Variants in GLIPR1L1 observed in about 807,000 individuals in gnomAD.
GLIPR1L1 encodes the protein GLIPR1 like 1.
In GLIPR1L1, 26 loss-of-function variants were observed where a neutral mutation model predicts 29.9. The observed-to-expected ratio is 0.87, with a 90% CI of 0.64 to 1.21. GLIPR1L1 has a LOEUF of 1.21. GLIPR1L1 is among the 50% of genes most tolerant of loss of function. GLIPR1L1 has a pLI of 0.00. For synonymous variants in GLIPR1L1, 77 were observed against 97.5 expected, an observed-to-expected ratio of 0.79 and a Z score of 1.24; for missense variants, 305 against 290.3, an observed-to-expected ratio of 1.05 and a Z score of -0.37.
At chr12:75,335,578 G>A (rs947251499) in intron 1 of GLIPR1L1, among the ~76,000 whole-genome samples, 5 of 152,222 alleles carry the variant, frequency 3.3e-5, no homozygotes, top group African/African-American at 9.6e-5. Context: ...TGTAGATACA[G>A]TATAACTCAT....
At chr12:75,340,374 G>A (rs1456345505) in intron 1 of GLIPR1L1, among the ~76,000 whole-genome samples, 1 of 151,594 alleles carries the variant, frequency 6.6e-6, no homozygotes, top group Non-Finnish European at 1.5e-5. Context: ...AAGAAATGGT[G>A]TTGAAACACC....
intron 1 of GLIPR1L1, among the ~76,000 whole-genome samples, chr12:75,336,915 C>T (rs1256877755): frequency 6.6e-6 from 1 of 151,510 alleles, no homozygotes; most frequent in African/African-American, 2.4e-5. Context: ...GAAATTTTGT[C>T]CTATATCTTC....
chr12:75,356,712 T>A (rs1270006223), intron 3 of GLIPR1L1, among the ~76,000 whole-genome samples: 1 of 152,174 alleles, frequency 6.6e-6, no homozygotes, highest in Non-Finnish European at 1.5e-5. Context: ...TAATGTTAAA[T>A]TTAAATGGTA....
At chr12:75,360,503 A>T (rs548811608) in intron 3 of GLIPR1L1, 29 of 152,320 alleles carry the variant, frequency 1.9e-4, no homozygotes, top group African/African-American at 7.0e-4. Context: ...ACAAGTCCAA[A>T]ATCCAGTGGG....
At chr12:75,358,294 T>C (rs1002923902) in intron 3 of GLIPR1L1, among the ~76,000 whole-genome samples, 1 of 151,792 alleles carries the variant, frequency 6.6e-6, no homozygotes, top group African/African-American at 2.4e-5. Flanking sequence ...TATAGAGCAA[T>C]ATCCCTCACA....
At chr12:75,338,652 G>A (rs1478926656) in intron 1 of GLIPR1L1, among the ~76,000 whole-genome samples, 1 of 151,914 alleles carries the variant, frequency 6.6e-6, no homozygotes, top group East Asian at 1.9e-4. Flanking sequence ...TTGTTACACA[G>A]GTGAACATAT....
At chr12:75,356,207 G>A (rs754099373) in intron 3 of GLIPR1L1, among the ~76,000 whole-genome samples, 6 of 151,962 alleles carry the variant, frequency 3.9e-5, no homozygotes, top group African/African-American at 7.2e-5. Context: ...TGGACATAAT[G>A]CAAAAGAAGC....
chr12:75,351,547 T>C (rs2042812163), intron 3 of GLIPR1L1, among the ~76,000 whole-genome samples: 1 of 146,772 alleles, frequency 6.8e-6, no homozygotes, highest in African/African-American at 2.7e-5. Flanking sequence ...TCTGTTTTGT[T>C]TTGTTTTTTT....
chr12:75,343,595 A>G lies in GLIPR1L1; in HGVS notation c.175-98A>G, dbSNP rs893205732. On this transcript the variant is annotated intron_variant, in intron 1 of 5. Transcript: ENST00000378695. Reference sequence around the variant, plus strand: ...CAAAGAAAAACTACATCTTATTAAAATAATAAATTTAAGCAAAACTTAGTT... The same window carrying G: ...CAAAGAAAAACTACATCTTATTAAAGTAATAAATTTAAGCAAAACTTAGTT... 7.7e-6 allele frequency: 7 copies of G among 913,688 alleles called. No homozygotes were observed. The Admixed American group carries it at 2.2e-4, about 28-fold the overall frequency. 56.6% of individuals were successfully genotyped at this position (913,688 alleles called of 1,614,324 possible).
chr12:75,348,561 A>G (rs1463814575), intron 3 of GLIPR1L1, among the ~76,000 whole-genome samples: 1 of 152,234 alleles, frequency 6.6e-6, no homozygotes, highest in African/African-American at 2.4e-5. Flanking sequence ...AAGGAGACTA[A>G]TCACAAGATT....
At chr12:75,348,628 A>C (rs1455522566) in intron 3 of GLIPR1L1, among the ~76,000 whole-genome samples, 4 of 152,200 alleles carry the variant, frequency 2.6e-5, no homozygotes, top group Non-Finnish European at 5.9e-5. Flanking sequence ...ATGAAAAAGC[A>C]GTTAAGCATC....
chr12:75,354,186 AG>A (rs2043000398), intron 3 of GLIPR1L1, among the ~76,000 whole-genome samples: 1 of 151,734 alleles, frequency 6.6e-6, no homozygotes, highest in Non-Finnish European at 1.5e-5. Flanking sequence ...GTATTCAAAT[AG>A]GAAAAGAGGA....
intron 3 of GLIPR1L1, chr12:75,360,364 T>C (rs754487146): frequency 2.4e-4 from 36 of 152,310 alleles, no homozygotes; most frequent in Admixed American, 9.8e-4. Flanking sequence ...AAGTCCCTTC[T>C]GCCTATAAGC....
At chr12:75,347,969 A>G (rs1014219549) in intron 3 of GLIPR1L1, among the ~76,000 whole-genome samples, 1 of 152,160 alleles carries the variant, frequency 6.6e-6, no homozygotes, top group Non-Finnish European at 1.5e-5. Context: ...ATAGGTTTAA[A>G]AAAAGAGATA....
At chr12:75,341,591 C>A (rs1179628195) in intron 1 of GLIPR1L1, among the ~76,000 whole-genome samples, 1 of 151,214 alleles carries the variant, frequency 6.6e-6, no homozygotes, top group Non-Finnish European at 1.5e-5. Context: ...AGACTACAGG[C>A]GCCCGCCACC....
chr12:75,352,478 T>C (rs970286879), intron 3 of GLIPR1L1, among the ~76,000 whole-genome samples: 26 of 152,202 alleles, frequency 1.7e-4, no homozygotes, highest in Admixed American at 1.3e-3. Flanking sequence ...ATGCACCCAA[T>C]ACAGGAGCAC....
At chr12:75,364,609 C>T (rs1207128258) in intron 4 of GLIPR1L1, among the ~76,000 whole-genome samples, 1 of 152,166 alleles carries the variant, frequency 6.6e-6, no homozygotes, top group East Asian at 1.9e-4. Context: ...AACAAAAACA[C>T]AAAGGTGAAG....
chr12:75,347,721 G>A lies in GLIPR1L1; in HGVS notation c.520G>A (p.Ala174Thr). Residue 174 changes from alanine (A) to threonine (T), a missense_variant and splice_region_variant, in exon 3 of 6, where the codon GCA becomes ACA. Coordinates refer to ENST00000378695, the MANE Select transcript of GLIPR1L1 (RefSeq NM_001304964.2). The stretch of plus-strand genomic sequence containing the variant: ...AATATTTGTATGCAACTACGGACCT[G>A]CGTGAGTTATTTTCTCTTAAAAATA... ...TAIFVCNYGPAGNFANMPPYV... is the reference protein window; with the variant it reads ...TAIFVCNYGPTGNFANMPPYV... 4.4e-6 allele frequency: 7 copies of A among 1,575,820 alleles called. No homozygotes were observed. The highest frequency in any genetic ancestry group is 6.1e-6 in the Non-Finnish European group (7 of 1,153,796).
intron 4 of GLIPR1L1, among the ~76,000 whole-genome samples, chr12:75,363,469 GCTT>G (rs2043753916): frequency 6.6e-6 from 1 of 152,058 alleles, no homozygotes; most frequent in Admixed American, 6.5e-5. Flanking sequence ...GGGTTGAAAT[GCTT>G]CTTATTTTTA....
Sources: allele counts gnomAD v4.1 joint callset (sites outside exome capture counted in the v4.1 genomes callset), GRCh38; gene constraint gnomAD v4.1.1; transcripts MANE v1.5; gene names NCBI Gene and HGNC (gene_info 2026-07-23, HGNC 2026-07-21).